Variants in HECW1 observed in about 807,000 individuals in gnomAD.
HECW1 encodes the protein HECT, C2 and WW domain containing E3 ubiquitin protein ligase 1, also known as E3 ubiquitin-protein ligase HECW1.
In HECW1, 61 loss-of-function variants were observed where a neutral mutation model predicts 182.3. The ratio of observed to expected loss-of-function variants is 0.33; its 90% confidence interval spans 0.27 to 0.41. The LOEUF (loss-of-function observed/expected upper bound fraction) is 0.41. Ranked by LOEUF, HECW1 falls within the 10% of genes least tolerant of loss-of-function variation. The pLI is 1.00. For missense variants in HECW1, 1,739 were observed against 2,108.9 expected (o/e 0.82, Z 3.44); for synonymous variants, 859 against 832.6 (o/e 1.03, Z -0.55).
chr7:43,549,487 T>G (rs2081710666), intron 26 of HECW1, among the ~76,000 whole-genome samples: 1 of 152,234 alleles, frequency 6.6e-6, no homozygotes, highest in South Asian at 2.1e-4. Context: ...AGCATTGCAG[T>G]GAGCCCTTAA....
At chr7:43,538,099 A>G (rs777283762) in intron 24 of HECW1, among the ~76,000 whole-genome samples, 1 of 152,194 alleles carries the variant, frequency 6.6e-6, no homozygotes, top group Non-Finnish European at 1.5e-5. Context: ...TGGGCATCCA[A>G]CCTGAGTTAG....
chr7:43,207,327 T>TGAGC lies in HECW1; in HGVS notation c.-31-36547_-31-36544dup, dbSNP rs776184458. On this transcript the variant is annotated intron_variant, in intron 2 of 29. Coordinates refer to ENST00000395891, the MANE Select transcript of HECW1 (RefSeq NM_015052.5). ...CACCAAAGTGCTGGGATTACAGATG[T>TGAGC]GAGCCACCGCACGCCGCCTAAAATT... Among the ~76,000 whole-genome samples the TGAGC allele has an allele frequency of 3.3e-5, 5 of 152,344 alleles. No individual in the cohort carries two copies. The East Asian group carries it at 9.6e-4, about 29-fold the overall frequency.
At chr7:43,454,838 T>C (rs7796172) in intron 12 of HECW1, among the ~76,000 whole-genome samples, 84,537 of 151,704 alleles carry the variant, frequency 0.56, 24,500 homozygotes, top group South Asian at 0.72. Context: ...ATGGCTTTTC[T>C]CACTGAAAAG....
At chr7:43,279,269 G>A (rs1337852466) in intron 3 of HECW1, among the ~76,000 whole-genome samples, 1 of 152,144 alleles carries the variant, frequency 6.6e-6, no homozygotes, top group Non-Finnish European at 1.5e-5. Context: ...AGCAGACAAA[G>A]CAAAATGCTT....
rs775606618 is a variant in HECW1 at position 43,479,573 on chromosome 7, C to T, written c.3100-37C>T. 75 of 1,612,968 alleles carry T rather than the reference C, an allele frequency of 4.6e-5. No individual in the cohort carries two copies. In the East Asian group the frequency reaches 1.6e-3, roughly 35 times the overall value. ...CTGACTCCATTTTGGCCTATTCTCA[C>T]ACCACACGGTGCTTTTTTTCACTGG... On this transcript the variant is annotated intron_variant, in intron 16 of 29. Transcript: ENST00000395891.
chr7:43,403,524 T>C (rs945166272), intron 7 of HECW1, among the ~76,000 whole-genome samples: 1 of 152,208 alleles, frequency 6.6e-6, no homozygotes, highest in African/African-American at 2.4e-5. Flanking sequence ...TGTAAATTTA[T>C]GCCCTGCTTT....
chr7:43,539,906 G>A (rs900189729), intron 24 of HECW1, among the ~76,000 whole-genome samples: 2 of 152,162 alleles, frequency 1.3e-5, no homozygotes, highest in African/African-American at 4.8e-5. Flanking sequence ...GGGTGGTCGG[G>A]AAAGGGCACC....
At chr7:43,488,466 AAGAAAG>A (rs1316465892) in intron 17 of HECW1, among the ~76,000 whole-genome samples, 1 of 149,712 alleles carries the variant, frequency 6.7e-6, no homozygotes, top group East Asian at 1.9e-4. Context: ...GAAAGAAAGA[AAGAAAG>A]AAAGAAAGAA....
intron 5 of HECW1, among the ~76,000 whole-genome samples, chr7:43,351,392 C>T (rs1193325628): frequency 6.6e-6 from 1 of 152,134 alleles, no homozygotes; most frequent in Non-Finnish European, 1.5e-5. Flanking sequence ...TAGTAGTATG[C>T]AGAGGGACCA....
rs141442382 is a variant in HECW1 at position 43,553,568 on chromosome 7, C to T, written c.4511-1024C>T. On this transcript the variant is annotated intron_variant, in intron 28 of 29. Coordinates refer to ENST00000395891, the MANE Select transcript of HECW1 (RefSeq NM_015052.5). ...CCTGTAGTCCCAGCTACTCAAAAGGCTGAGATAGAAGGATCCCTTGAACCC... is the reference window on the plus strand; with the variant it reads ...CCTGTAGTCCCAGCTACTCAAAAGGTTGAGATAGAAGGATCCCTTGAACCC... 1.1e-4 allele frequency among the ~76,000 whole-genome samples: 16 copies of T among 150,746 alleles called. No individual in the cohort carries two copies. The East Asian group carries it at 3.1e-3, about 30-fold the overall frequency.
At chr7:43,224,003 T>G (rs1797208748) in intron 2 of HECW1, among the ~76,000 whole-genome samples, 1 of 152,186 alleles carries the variant, frequency 6.6e-6, no homozygotes, top group South Asian at 2.1e-4. Flanking sequence ...CCCACATTCA[T>G]GTATCATTGT....
At chr7:43,285,964 T>C (rs145273304) in intron 3 of HECW1, among the ~76,000 whole-genome samples, 1,973 of 152,306 alleles carry the variant, frequency 0.013, 19 homozygotes, top group Non-Finnish European at 0.021. Flanking sequence ...GCCAGTGGTC[T>C]AAACACAAGA....
rs1305642138 is a variant in HECW1, at chr7:43,135,922, A to C, written c.-32+21531A>C. Reference sequence around the variant, plus strand: ...ACATCATTTCTCACCTGATTTCACAAGGCCTTTTATGCTTTTATGACATTT... The same window carrying C: ...ACATCATTTCTCACCTGATTTCACACGGCCTTTTATGCTTTTATGACATTT... On this transcript the variant is annotated intron_variant, in intron 2 of 29. Coordinates refer to ENST00000395891, the MANE Select transcript of HECW1 (RefSeq NM_015052.5). 2.7e-5 allele frequency among the ~76,000 whole-genome samples: 4 copies of C among 150,814 alleles called. No homozygotes were observed. In the East Asian group the frequency reaches 7.7e-4, roughly 29 times the overall value.
At chr7:43,265,913 A>C (rs1040817869) in intron 3 of HECW1, among the ~76,000 whole-genome samples, 1 of 152,164 alleles carries the variant, frequency 6.6e-6, no homozygotes, top group Non-Finnish European at 1.5e-5. Flanking sequence ...CTTCTCATCA[A>C]GGGTACAAAT....
intron 4 of HECW1, among the ~76,000 whole-genome samples, chr7:43,315,380 G>A (rs10251772): frequency 0.15 from 23,290 of 151,888 alleles, 5,778 homozygotes; most frequent in African/African-American, 0.52. Context: ...TCCTGCTTCT[G>A]CAAGAGAATG....
chr7:43,451,054 C>T (rs555209930), intron 12 of HECW1, 125 bp downstream of exon 12: 1 of 661,848 alleles, frequency 1.5e-6, no homozygotes, highest in African/African-American at 1.8e-5. Flanking sequence ...TTAACAAAGA[C>T]CAATATGACA....
At chr7:43,424,127 C>A (rs914110989) in intron 8 of HECW1, among the ~76,000 whole-genome samples, 1 of 152,156 alleles carries the variant, frequency 6.6e-6, no homozygotes, top group Non-Finnish European at 1.5e-5. Context: ...TTCAGCCAGG[C>A]TCATCTCTGA....
At chr7:43,282,880 G>A (rs1677613850) in intron 3 of HECW1, among the ~76,000 whole-genome samples, 1 of 152,122 alleles carries the variant, frequency 6.6e-6, no homozygotes, top group Non-Finnish European at 1.5e-5. Context: ...CACTTTGGGA[G>A]GCCAAGGCAG....
chr7:43,546,548 G>T (rs1442569192), intron 26 of HECW1, among the ~76,000 whole-genome samples: 1 of 151,552 alleles, frequency 6.6e-6, no homozygotes, highest in African/African-American at 2.4e-5. Context: ...TGGGGGGCAG[G>T]TAGACCACTT....
Sources: allele counts gnomAD v4.1 joint callset (sites outside exome capture counted in the v4.1 genomes callset), GRCh38; gene constraint gnomAD v4.1.1; transcripts MANE v1.5; gene names NCBI Gene and HGNC (gene_info 2026-07-23, HGNC 2026-07-21).